Variants in SPMIP1 observed in about 807,000 individuals in gnomAD.
SPMIP1 encodes sperm microtubule inner protein 1, also known as protein SPMIP1.
the SPMIP1 span, among the ~76,000 whole-genome samples, chr7:128,868,423 C>A: frequency 2.6e-5 from 4 of 152,234 alleles, no homozygotes; most frequent in Non-Finnish European, 5.9e-5. Context: ...GGTGGCCCCC[C>A]TCCCTGCAGG....
the SPMIP1 span, chr7:128,871,840 T>C: frequency 6.6e-6 from 1 of 152,256 alleles, no homozygotes; most frequent in Non-Finnish European, 1.5e-5. Flanking sequence ...CTCCCACTTC[T>C]GTAATTCTCA....
chr7:128,870,336 G>A, the SPMIP1 span: 1 of 152,566 alleles, frequency 6.6e-6, no homozygotes, highest in African/African-American at 2.4e-5. Flanking sequence ...GGACTCTGGG[G>A]ACTCGCCTTT....
the SPMIP1 span, among the ~76,000 whole-genome samples, chr7:128,868,230 G>A: frequency 6.6e-6 from 1 of 152,242 alleles, no homozygotes; most frequent in Non-Finnish European, 1.5e-5. Flanking sequence ...AGAAAAGGTG[G>A]ATGGTTGGGG....
At chr7:128,868,829 G>C in the SPMIP1 span, 1 of 1,253,008 alleles carries the variant, frequency 8.0e-7, no homozygotes, top group South Asian at 1.3e-5. Flanking sequence ...AGGCCTCCTG[G>C]TGGGGCAAAG....
the SPMIP1 span, chr7:128,871,065 CCTAGA>C: frequency 1.3e-5 from 2 of 152,274 alleles, no homozygotes; most frequent in Non-Finnish European, 2.9e-5. Context: ...GCACAGTTCA[CCTAGA>C]CTAGAGCCAG....
At chr7:128,868,990 AGG>A in the SPMIP1 span, 2 of 494,380 alleles carry the variant, frequency 4.0e-6, no homozygotes, top group Non-Finnish European at 7.2e-6. Context: ...CAATGACCAG[AGG>A]GTGCTGGGAA....
At chr7:128,871,878 C>A in the SPMIP1 span, 1 of 152,196 alleles carries the variant, frequency 6.6e-6, no homozygotes, top group Non-Finnish European at 1.5e-5. Context: ...AAATTTATTT[C>A]TCTGGTAATA....
At chr7:128,866,336 C>G in the SPMIP1 span, 1 of 1,236,996 alleles carries the variant, frequency 8.1e-7, no homozygotes, top group Non-Finnish European at 1.1e-6. Flanking sequence ...AGCCACTCGC[C>G]GTCAGAAGCA....
At chr7:128,867,926 T>C in the SPMIP1 span, among the ~76,000 whole-genome samples, 1 of 152,042 alleles carries the variant, frequency 6.6e-6, no homozygotes, top group African/African-American at 2.4e-5. Flanking sequence ...TGGAATCTGA[T>C]GGGAGTGGGG....
the SPMIP1 span, chr7:128,868,783 C>CG: frequency 6.5e-7 from 1 of 1,527,980 alleles, no homozygotes; most frequent in African/African-American, 1.4e-5. Context: ...TGACCGTGGG[C>CG]CAGGTGTGGG....
chr7:128,871,935 A>G, the SPMIP1 span: 1 of 152,248 alleles, frequency 6.6e-6, no homozygotes, highest in Admixed American at 6.5e-5. Flanking sequence ...AAATACTTGT[A>G]AAAACTTCTC....
the SPMIP1 span, chr7:128,871,966 T>C: frequency 6.6e-6 from 1 of 152,260 alleles, no homozygotes; most frequent in Non-Finnish European, 1.5e-5. Flanking sequence ...AAAATAATTA[T>C]TGGCACTTTT....
the SPMIP1 span, chr7:128,870,491 A>AG: frequency 6.6e-6 from 1 of 151,046 alleles, no homozygotes; most frequent in Non-Finnish European, 1.5e-5. Flanking sequence ...TCTTACGCTG[A>AG]GGGGTCTCCG....
the SPMIP1 span, chr7:128,868,759 G>A: frequency 2.6e-6 from 4 of 1,534,882 alleles, no homozygotes; most frequent in Non-Finnish European, 2.6e-6. Flanking sequence ...CTTGATCCCC[G>A]AGACCTGGCC....
the SPMIP1 span, chr7:128,869,671 C>T: frequency 5.3e-5 from 8 of 152,304 alleles, no homozygotes; most frequent in African/African-American, 1.7e-4. Flanking sequence ...GCCGCCTGGC[C>T]GCGCTGTGCA....
At chr7:128,869,696 T>G in the SPMIP1 span, 1 of 152,172 alleles carries the variant, frequency 6.6e-6, no homozygotes, top group Non-Finnish European at 1.5e-5. Flanking sequence ...CAGCAGCCGC[T>G]GCAGAGCCGT....
At chr7:128,869,158 C>T in the SPMIP1 span, 2 of 351,160 alleles carry the variant, frequency 5.7e-6, no homozygotes, top group East Asian at 8.4e-5. Context: ...TTGCCCGCCC[C>T]TCACCTGGCC....
the SPMIP1 span, among the ~76,000 whole-genome samples, chr7:128,868,148 C>A: frequency 6.6e-6 from 1 of 152,254 alleles, no homozygotes; most frequent in Non-Finnish European, 1.5e-5. Flanking sequence ...CGTCCCATTG[C>A]TGTCTGTGCT....
chr7:128,867,171 C>T, the SPMIP1 span, among the ~76,000 whole-genome samples: 1 of 152,174 alleles, frequency 6.6e-6, no homozygotes, highest in African/African-American at 2.4e-5. Context: ...TCACCCTGAC[C>T]TGTATGTAGG....
Sources: allele counts gnomAD v4.1 joint callset (sites outside exome capture counted in the v4.1 genomes callset), GRCh38; gene constraint gnomAD v4.1.1; transcripts MANE v1.5; gene names NCBI Gene and HGNC (gene_info 2026-07-23, HGNC 2026-07-21).